The following SGCD variants were observed in gnomAD, a reference collection of about 807,000 sequenced individuals.
SGCD encodes sarcoglycan delta.
In SGCD, 18 loss-of-function variants were observed where a neutral mutation model predicts 36.6. The ratio of observed to expected loss-of-function variants is 0.49; its 90% CI spans 0.34 to 0.73. SGCD has a LOEUF of 0.73. Among genes scored for constraint, SGCD ranks in the 30% least tolerant of loss-of-function variants. The probability of loss-of-function intolerance (pLI) is 0.01; values close to 1 mark genes in which losing one functional copy is unlikely to be tolerated. For missense variants in SGCD, 387 were observed against 346.7 expected, an observed-to-expected ratio of 1.12 and a Z score of -0.92; for synonymous variants, 133 against 130.6, an observed-to-expected ratio of 1.02 and a Z score of -0.12.
At chr5:155,890,977 G>A (rs886165688) in intron 1 of SGCD, among the ~76,000 whole-genome samples, 2 of 152,048 alleles carry the variant, frequency 1.3e-5, no homozygotes, top group African/African-American at 4.8e-5. Context: ...TACCATGTGG[G>A]AAAGAAATTC....
chr5:156,548,240 T>G (rs549275883), intron 4 of SGCD, among the ~76,000 whole-genome samples: 134 of 152,324 alleles, frequency 8.8e-4, no homozygotes, highest in Non-Finnish European at 2.2e-4. Context: ...GCAAGATGAA[T>G]ATGCTCAGCT....
chr5:156,438,718 G>T (rs185607771), intron 3 of SGCD, among the ~76,000 whole-genome samples: 2 of 152,112 alleles, frequency 1.3e-5, no homozygotes, highest in Non-Finnish European at 2.9e-5. Flanking sequence ...ACCAAATGGT[G>T]TCCCATTTTC....
the SGCD span, among the ~76,000 whole-genome samples, chr5:155,755,360 GT>G: frequency 6.6e-6 from 1 of 152,122 alleles, no homozygotes; most frequent in Non-Finnish European, 1.5e-5. Context: ...TTTTATTTCT[GT>G]TTGTTTGTAC....
intron 2 of SGCD, among the ~76,000 whole-genome samples, chr5:156,122,828 T>G (rs1762075378): frequency 3.1e-5 from 3 of 97,426 alleles, no homozygotes; most frequent in Non-Finnish European, 3.8e-5. Flanking sequence ...ACCAGCATGG[T>G]AGTAAAAGAT....
chr5:156,757,903 G>A, intron 8 of SGCD, 199 bp downstream of exon 8: 5 of 1,319,322 alleles, frequency 3.8e-6, no homozygotes, highest in Non-Finnish European at 4.9e-6. Context: ...TTTCTTATTT[G>A]TAAAATGCAG....
At chr5:156,311,789 T>A (rs1009996929) in intron 3 of SGCD, among the ~76,000 whole-genome samples, 2 of 152,222 alleles carry the variant, frequency 1.3e-5, no homozygotes, top group African/African-American at 4.8e-5. Flanking sequence ...ATCATAGTTT[T>A]ACTTAGTGGT....
In SGCD at chr5:156,594,499, G is replaced by A. The variant is rs1344166630; in HGVS notation, c.383-433G>A. ...AGGGTACAAAGTTAAACACATTTCA[G>A]CTGAATTTTAAAAAGCTCTTTCTGA... On this transcript the variant is annotated intron_variant, in intron 5 of 8. Coordinates refer to ENST00000337851, the MANE Select transcript of SGCD (RefSeq NM_000337.6). Among the ~76,000 whole-genome samples, 3 of 152,160 alleles carry A rather than the reference G, an allele frequency of 2.0e-5. No homozygotes were observed. In the East Asian group the frequency reaches 5.8e-4, roughly 29 times the overall value.
chr5:156,746,183 T>A (rs1471597471), intron 7 of SGCD, among the ~76,000 whole-genome samples: 2 of 151,386 alleles, frequency 1.3e-5, no homozygotes, highest in African/African-American at 4.9e-5. Context: ...GACTGACAGC[T>A]GACTTCTTCA....
At chr5:156,686,850 C>T (rs1462548869) in intron 7 of SGCD, among the ~76,000 whole-genome samples, 1 of 152,172 alleles carries the variant, frequency 6.6e-6, no homozygotes, top group Non-Finnish European at 1.5e-5. Context: ...TTCACAGGGC[C>T]AGTCCTTAAA....
At chr5:156,263,034 T>C (rs192423548) in intron 3 of SGCD, among the ~76,000 whole-genome samples, 2 of 152,092 alleles carry the variant, frequency 1.3e-5, no homozygotes, top group Non-Finnish European at 2.9e-5. Flanking sequence ...ATTTTTGCAA[T>C]TGTGAATTGC....
chr5:156,091,560 C>G (rs891625553), intron 1 of SGCD, among the ~76,000 whole-genome samples: 8 of 152,188 alleles, frequency 5.3e-5, no homozygotes, highest in Non-Finnish European at 1.2e-4. Flanking sequence ...AGCTTCCAAT[C>G]TGGAGTATTC....
At chr5:156,148,552 T>A (rs1762760838) in intron 3 of SGCD, among the ~76,000 whole-genome samples, 1 of 152,192 alleles carries the variant, frequency 6.6e-6, no homozygotes, top group South Asian at 2.1e-4. Flanking sequence ...TTCTTTTTAT[T>A]TATTTTTTTA....
intron 3 of SGCD, among the ~76,000 whole-genome samples, chr5:156,134,381 TTC>T (rs1762403015): frequency 6.6e-6 from 1 of 152,202 alleles, no homozygotes. Context: ...GTACACCATC[TTC>T]CCATTCCATT....
chr5:156,541,989 G>A (rs114737484), intron 4 of SGCD, among the ~76,000 whole-genome samples: 2,655 of 152,226 alleles, frequency 0.017, 30 homozygotes, highest in Non-Finnish European at 0.029. Flanking sequence ...CTAGGCATCT[G>A]TTGAATGTTC....
intron 3 of SGCD, among the ~76,000 whole-genome samples, chr5:156,273,499 C>T (rs1354964873): frequency 6.6e-6 from 1 of 152,194 alleles, no homozygotes; most frequent in African/African-American, 2.4e-5. Context: ...AGCAGTCTTA[C>T]TGGCATAACT....
intron 3 of SGCD, among the ~76,000 whole-genome samples, chr5:156,303,052 A>T (rs1767096624): frequency 6.6e-6 from 1 of 152,210 alleles, no homozygotes; most frequent in Non-Finnish European, 1.5e-5. Context: ...TCCTTCCCTC[A>T]GGGCAGTTAG....
At chr5:155,882,235 C>T (rs1755901517) in intron 1 of SGCD, among the ~76,000 whole-genome samples, 5 of 151,952 alleles carry the variant, frequency 3.3e-5, no homozygotes, top group Admixed American at 3.3e-4. Context: ...GGGTCTACAC[C>T]TGACTTTTTT....
chr5:155,897,317 C>A (rs1475582050), intron 1 of SGCD, among the ~76,000 whole-genome samples: 1 of 152,088 alleles, frequency 6.6e-6, no homozygotes, highest in Non-Finnish European at 1.5e-5. Context: ...AAATGCACAC[C>A]TGTCTAGGGC....
intron 3 of SGCD, among the ~76,000 whole-genome samples, chr5:156,395,995 A>G (rs1396617221): frequency 1.3e-5 from 2 of 152,230 alleles, no homozygotes; most frequent in Admixed American, 6.5e-5. Flanking sequence ...TAATTTTGAC[A>G]TATCCATAGG....
Sources: allele counts gnomAD v4.1 joint callset (sites outside exome capture counted in the v4.1 genomes callset), GRCh38; gene constraint gnomAD v4.1.1; transcripts MANE v1.5; gene names NCBI Gene and HGNC (gene_info 2026-07-23, HGNC 2026-07-21).